HTR1F: variants seen among roughly 807,000 people sequenced by gnomAD.
The protein encoded by HTR1F is 5-hydroxytryptamine receptor 1F.
HTR1F carries 17 observed loss-of-function variants against 24.0 expected under a neutral mutation model. The observed-to-expected ratio is 0.71, with a 90% confidence interval of 0.48 to 1.06. The LOEUF is 1.06. Ranked by LOEUF, HTR1F falls within the 50% of genes least tolerant of loss-of-function variation. HTR1F has a pLI of 0.00. For synonymous variants in HTR1F, 186 were observed against 156.8 expected, an observed-to-expected ratio of 1.19 and a Z score of -1.39; for missense variants, 391 against 427.8, an observed-to-expected ratio of 0.91 and a Z score of 0.76.
rs950982412 is a variant in HTR1F at position 87,947,371 on chromosome 3, TAACA to T, written c.-42-43331_-42-43328del. On this transcript the variant is annotated intron_variant, in intron 2 of 2. Transcript: ENST00000319595. ...GTGGAATACTAGAATAGTTCTCTCT[TAACA>T]AACAAGTGAAAATAAGTTTTTGCTC... Among the ~76,000 whole-genome samples the T allele has an allele frequency of 2.8e-4, 30 of 105,822 alleles. No individual in the cohort carries two copies. The East Asian group carries it at 6.4e-3, about 23-fold the overall frequency. The allele number at this position is 105,822 out of a possible 152,430, so 69.4% of individuals were successfully genotyped here. A position where few individuals can be genotyped will look rare whatever the true frequency, so the allele number is the denominator to read the frequency against.
At chr3:87,956,262 T>C (rs780638124) in intron 2 of HTR1F, among the ~76,000 whole-genome samples, 6 of 151,404 alleles carry the variant, frequency 4.0e-5, no homozygotes, top group Non-Finnish European at 5.9e-5. Flanking sequence ...GATAACTAGG[T>C]ATTTAATAGA....
At chr3:87,903,407 A>G (rs1428898758) in intron 2 of HTR1F, among the ~76,000 whole-genome samples, 6 of 152,154 alleles carry the variant, frequency 3.9e-5, no homozygotes, top group African/African-American at 1.4e-4. Context: ...AGAATCTACA[A>G]TGAACTCAAA....
intron 2 of HTR1F, among the ~76,000 whole-genome samples, chr3:87,911,285 T>C (rs750789700): frequency 6.6e-6 from 1 of 152,094 alleles, no homozygotes; most frequent in Non-Finnish European, 1.5e-5. Flanking sequence ...AAAGGGGATG[T>C]TACCGCTGAC....
chr3:87,831,867 T>C (rs1704587673), intron 2 of HTR1F, among the ~76,000 whole-genome samples: 1 of 152,226 alleles, frequency 6.6e-6, no homozygotes, highest in Non-Finnish European at 1.5e-5. Flanking sequence ...TTATTTTATA[T>C]TTTTATGAGC....
intron 2 of HTR1F, among the ~76,000 whole-genome samples, chr3:87,890,083 G>A (rs994199163): frequency 6.6e-6 from 1 of 152,156 alleles, no homozygotes; most frequent in Non-Finnish European, 1.5e-5. Flanking sequence ...ATGTACCCAG[G>A]TAATATAAGG....
intron 1 of HTR1F, among the ~76,000 whole-genome samples, chr3:87,817,275 T>C (rs569984456): frequency 5.3e-5 from 8 of 152,302 alleles, no homozygotes; most frequent in Non-Finnish European, 1.2e-4. Flanking sequence ...TAAACCATCT[T>C]AGTTGACATC....
intron 2 of HTR1F, among the ~76,000 whole-genome samples, chr3:87,928,236 G>C (rs1704175503): frequency 6.6e-6 from 1 of 151,862 alleles, no homozygotes; most frequent in African/African-American, 2.4e-5. Context: ...AGTAGAGATG[G>C]GGTTTCACCA....
intron 2 of HTR1F, among the ~76,000 whole-genome samples, chr3:87,833,893 G>C (rs905142958): frequency 5.3e-5 from 8 of 152,064 alleles, no homozygotes; most frequent in African/African-American, 1.7e-4. Context: ...CTCTGAAAAA[G>C]TATTGACTTC....
chr3:87,886,034 C>CA (rs1364689351), intron 2 of HTR1F, among the ~76,000 whole-genome samples: 3 of 151,844 alleles, frequency 2.0e-5, no homozygotes, highest in South Asian at 2.1e-4. Context: ...AGAGACACGA[C>CA]AAAAAAAGAC....
At chr3:87,969,710 T>A (rs1705246109) in intron 2 of HTR1F, among the ~76,000 whole-genome samples, 1 of 152,184 alleles carries the variant, frequency 6.6e-6, no homozygotes, top group African/African-American at 2.4e-5. Flanking sequence ...AGGGGAACTG[T>A]TGAGAAGGCA....
intron 2 of HTR1F, among the ~76,000 whole-genome samples, chr3:87,863,029 C>T (rs1705350626): frequency 1.3e-5 from 2 of 152,164 alleles, no homozygotes; most frequent in African/African-American, 4.8e-5. Flanking sequence ...TTCGGCCAGG[C>T]TGTCTCAAAC....
At chr3:87,862,650 C>T (rs773424020) in intron 2 of HTR1F, among the ~76,000 whole-genome samples, 2 of 152,152 alleles carry the variant, frequency 1.3e-5, no homozygotes, top group Non-Finnish European at 2.9e-5. Flanking sequence ...TAGAAACCCA[C>T]TCTTTATGGT....
At chr3:87,972,509 T>C (rs1461909378) in intron 2 of HTR1F, among the ~76,000 whole-genome samples, 1 of 152,224 alleles carries the variant, frequency 6.6e-6, no homozygotes, top group African/African-American at 2.4e-5. Flanking sequence ...TATTTTAAAT[T>C]ACATTTCAAT....
chr3:87,810,979 G>A (rs1394822194), intron 1 of HTR1F, among the ~76,000 whole-genome samples: 2 of 152,114 alleles, frequency 1.3e-5, no homozygotes, highest in African/African-American at 4.8e-5. Context: ...ACTTTCTATT[G>A]CTATTCCCCA....
chr3:87,965,554 G>T (rs1705147169), intron 2 of HTR1F, among the ~76,000 whole-genome samples: 1 of 152,060 alleles, frequency 6.6e-6, no homozygotes, highest in African/African-American at 2.4e-5. Flanking sequence ...CAGTTAAAAA[G>T]CCTTTTGAAA....
chr3:87,857,240 T>C (rs1458258556), intron 2 of HTR1F, among the ~76,000 whole-genome samples: 3 of 151,962 alleles, frequency 2.0e-5, no homozygotes, highest in African/African-American at 4.8e-5. Context: ...TAAAATATTT[T>C]CCAATTAAGA....
chr3:87,864,466 C>A (rs1004505115), intron 2 of HTR1F, among the ~76,000 whole-genome samples: 2 of 152,128 alleles, frequency 1.3e-5, no homozygotes, highest in Non-Finnish European at 2.9e-5. Flanking sequence ...TTTCCAGGAT[C>A]TCATCTGACA....
Position 87,974,094 on chromosome 3 carries a change from C to T in HTR1F, c.-42-16614C>T, listed in dbSNP as rs148057256. Among the ~76,000 whole-genome samples, 506 of 152,300 alleles carry T rather than the reference C, an allele frequency of 3.3e-3. 4 individuals carry two copies. The highest frequency in any genetic ancestry group is 0.012 in the African/African-American group (484 of 41,562). On this transcript the variant is annotated intron_variant, in intron 2 of 2. Coordinates refer to ENST00000319595, the MANE Select transcript of HTR1F (RefSeq NM_001322209.2). ...TAATTGCTTATGCCACTGCTGAAAC[C>T]TCGTCTGCTCAGCAGGCAACCAGGG...
At chr3:87,808,357 G>C (rs555636816) in intron 1 of HTR1F, among the ~76,000 whole-genome samples, 2 of 151,960 alleles carry the variant, frequency 1.3e-5, no homozygotes, top group East Asian at 3.9e-4. Flanking sequence ...AGTTGTATGA[G>C]TCCAGGAATT....
Sources: allele counts gnomAD v4.1 joint callset (sites outside exome capture counted in the v4.1 genomes callset), GRCh38; gene constraint gnomAD v4.1.1; transcripts MANE v1.5; gene names NCBI Gene and HGNC (gene_info 2026-07-23, HGNC 2026-07-21).